Variants in MYO1D observed in about 807,000 individuals in gnomAD.
The protein encoded by MYO1D is unconventional myosin-Id.
A neutral mutation model predicts 122.0 loss-of-function variants in MYO1D; 83 were observed. That is an observed-to-expected ratio of 0.68 (90% CI 0.57 to 0.82). The LOEUF (loss-of-function observed/expected upper bound fraction) is 0.82. Among genes scored for constraint, MYO1D ranks in the 40% least tolerant of loss-of-function variants. The pLI is 0.00. For synonymous variants in MYO1D, 464 were observed against 446.9 expected, an observed-to-expected ratio of 1.04 and a Z score of -0.48; for missense variants, 1,157 against 1,269.5, an observed-to-expected ratio of 0.91 and a Z score of 1.35.
intron 16 of MYO1D, among the ~76,000 whole-genome samples, chr17:32,671,227 G>A (rs2088715928): frequency 6.6e-6 from 1 of 152,230 alleles, no homozygotes; most frequent in South Asian, 2.1e-4. Flanking sequence ...TAATATGCCT[G>A]GTTTGGTCAT....
intron 16 of MYO1D, among the ~76,000 whole-genome samples, chr17:32,708,353 G>A (rs565308051): frequency 1.3e-5 from 2 of 152,214 alleles, no homozygotes; most frequent in South Asian, 4.1e-4. Context: ...GGGGTTTTAG[G>A]TGACTTTTTC....
At chr17:32,820,043 G>A (rs948148564) in intron 1 of MYO1D, among the ~76,000 whole-genome samples, 3 of 152,178 alleles carry the variant, frequency 2.0e-5, no homozygotes, top group African/African-American at 4.8e-5. Context: ...AGGGAGAGAC[G>A]GGAGACAGGA....
chr17:32,701,457 T>C (rs1279518647), intron 16 of MYO1D, among the ~76,000 whole-genome samples: 1 of 152,244 alleles, frequency 6.6e-6, no homozygotes, highest in Non-Finnish European at 1.5e-5. Flanking sequence ...TCTGTATTGA[T>C]AATTCAAGAG....
At chr17:32,723,494 T>A (rs2089536495) in intron 14 of MYO1D, among the ~76,000 whole-genome samples, 1 of 152,114 alleles carries the variant, frequency 6.6e-6, no homozygotes, top group Non-Finnish European at 1.5e-5. Context: ...AAACATGACC[T>A]CAATATCTTG....
At chr17:32,809,662 C>T (rs2090552206) in intron 1 of MYO1D, among the ~76,000 whole-genome samples, 1 of 152,142 alleles carries the variant, frequency 6.6e-6, no homozygotes, top group South Asian at 2.1e-4. Context: ...TGGTCTCAAA[C>T]TCCTGGCCTC....
At chr17:32,544,361 A>G (rs1473178013) in intron 21 of MYO1D, among the ~76,000 whole-genome samples, 9 of 152,134 alleles carry the variant, frequency 5.9e-5, no homozygotes, top group African/African-American at 1.9e-4. Flanking sequence ...TTGGCCTCCC[A>G]AAGTGCTGAG....
At chr17:32,773,168 A>G (rs1017416486) in intron 4 of MYO1D, among the ~76,000 whole-genome samples, 1 of 152,140 alleles carries the variant, frequency 6.6e-6, no homozygotes, top group African/African-American at 2.4e-5. Flanking sequence ...ACCAATTTTA[A>G]ATCAGGTAAG....
intron 20 of MYO1D, among the ~76,000 whole-genome samples, chr17:32,633,029 T>A (rs1326184713): frequency 7.2e-6 from 1 of 139,584 alleles, no homozygotes; most frequent in Admixed American, 6.8e-5. Flanking sequence ...ACCAAACTAC[T>A]CATGGCTTAA....
intron 21 of MYO1D, among the ~76,000 whole-genome samples, chr17:32,542,909 G>A (rs956947071): frequency 6.6e-6 from 1 of 152,074 alleles, no homozygotes; most frequent in Non-Finnish European, 1.5e-5. Flanking sequence ...GCTCCACTCC[G>A]ACCCTGGGAT....
intron 1 of MYO1D, among the ~76,000 whole-genome samples, chr17:32,789,658 T>C (rs997451117): frequency 2.6e-5 from 4 of 152,148 alleles, no homozygotes; most frequent in African/African-American, 9.7e-5. Context: ...GAGGAGGTCA[T>C]TAGGGTGGAC....
intron 16 of MYO1D, among the ~76,000 whole-genome samples, chr17:32,668,759 T>G (rs1331767920): frequency 1.3e-5 from 2 of 151,686 alleles, no homozygotes; most frequent in South Asian, 4.2e-4. Flanking sequence ...TGGAGTGCAG[T>G]GGCGTGATCT....
intron 16 of MYO1D, among the ~76,000 whole-genome samples, chr17:32,700,662 G>A (rs541157934): frequency 6.6e-6 from 1 of 152,090 alleles, no homozygotes; most frequent in Non-Finnish European, 1.5e-5. Flanking sequence ...TCAGAAAATG[G>A]GCTGGGCACG....
chr17:32,817,610 A>T (rs1350739754), intron 1 of MYO1D, among the ~76,000 whole-genome samples: 1 of 152,066 alleles, frequency 6.6e-6, no homozygotes. Flanking sequence ...AAATTAACCA[A>T]AATAAAAGGA....
chr17:32,517,493 A>G (rs1426249845), intron 21 of MYO1D, among the ~76,000 whole-genome samples: 2 of 152,288 alleles, frequency 1.3e-5, no homozygotes, highest in South Asian at 4.1e-4. Context: ...CCTTGATTGC[A>G]CGTTAAGCTT....
intron 1 of MYO1D, among the ~76,000 whole-genome samples, chr17:32,842,948 G>C (rs1373809720): frequency 1.4e-5 from 2 of 145,802 alleles, no homozygotes; most frequent in East Asian, 4.0e-4. Flanking sequence ...GAGTGCAGTG[G>C]CACGATCTCA....
chr17:32,741,382 CA>C (rs920766155), intron 13 of MYO1D, among the ~76,000 whole-genome samples: 321 of 137,586 alleles, frequency 2.3e-3, no homozygotes, highest in Middle Eastern at 7.5e-3. Context: ...TGGTTTTATC[CA>C]AAAAAAAAAA....
At chr17:32,495,243 G>C (rs1021924404) in intron 21 of MYO1D, among the ~76,000 whole-genome samples, 17 of 152,358 alleles carry the variant, frequency 1.1e-4, no homozygotes, top group Non-Finnish European at 2.1e-4. Context: ...CGGTGTACCA[G>C]GGCTGGGGTT....
chr17:32,622,542 T>C (rs945801618), intron 20 of MYO1D, among the ~76,000 whole-genome samples: 2 of 152,098 alleles, frequency 1.3e-5, no homozygotes, highest in African/African-American at 2.4e-5. Context: ...AGGGATAAGA[T>C]GGAGCTGAGG....
chr17:32,860,809 T>A (rs771859516), intron 1 of MYO1D, among the ~76,000 whole-genome samples: 2 of 152,174 alleles, frequency 1.3e-5, no homozygotes, highest in African/African-American at 2.4e-5. Context: ...TATACAACAG[T>A]GAGGAACCTC....
Sources: allele counts gnomAD v4.1 joint callset (sites outside exome capture counted in the v4.1 genomes callset), GRCh38; gene constraint gnomAD v4.1.1; transcripts MANE v1.5; gene names NCBI Gene and HGNC (gene_info 2026-07-23, HGNC 2026-07-21).